The following RGPD6 variants were observed in gnomAD, a reference collection of about 807,000 sequenced individuals.
RGPD6 encodes the protein RANBP2 like and GRIP domain containing 6.
At chr2:110,609,648 AAC>A in the RGPD6 span, among the ~76,000 whole-genome samples, 1 of 140,008 alleles carries the variant, frequency 7.1e-6, no homozygotes, top group Non-Finnish European at 1.5e-5. Flanking sequence ...GGAAAAAAAA[AAC>A]AAGCTCAGCT....
At chr2:110,596,885 C>T in the RGPD6 span, among the ~76,000 whole-genome samples, 4 of 137,452 alleles carry the variant, frequency 2.9e-5, no homozygotes, top group African/African-American at 1.1e-4. Flanking sequence ...TCCATATATA[C>T]CTCACTGTAC....
At chr2:110,601,508 CTG>C in the RGPD6 span, among the ~76,000 whole-genome samples, 2 of 146,682 alleles carry the variant, frequency 1.4e-5, no homozygotes, top group African/African-American at 5.2e-5. Flanking sequence ...GTAAAAGAAA[CTG>C]TATTAATTTG....
chr2:110,600,082 A>G, the RGPD6 span, among the ~76,000 whole-genome samples: 4 of 151,964 alleles, frequency 2.6e-5, no homozygotes, highest in African/African-American at 4.8e-5. Context: ...TGGGCTCTAC[A>G]GTATGCCGCC....
chr2:110,607,236 C>A, the RGPD6 span, among the ~76,000 whole-genome samples: 1 of 151,130 alleles, frequency 6.6e-6, no homozygotes, highest in Non-Finnish European at 1.5e-5. Flanking sequence ...ATGCCCAACT[C>A]TTCAAGACTC....
At chr2:110,606,454 GAAT>G in the RGPD6 span, among the ~76,000 whole-genome samples, 2 of 98,674 alleles carry the variant, frequency 2.0e-5, no homozygotes, top group African/African-American at 8.3e-5. Flanking sequence ...AGCTGTGGAG[GAAT>G]GGGGTGAGTG....
At chr2:110,606,134 G>C in the RGPD6 span, among the ~76,000 whole-genome samples, 2 of 151,696 alleles carry the variant, frequency 1.3e-5, no homozygotes, top group Non-Finnish European at 2.9e-5. Context: ...AAATATCGAA[G>C]TGTATCACAC....
chr2:110,592,055 CCA>C, the RGPD6 span, among the ~76,000 whole-genome samples: 1 of 122,014 alleles, frequency 8.2e-6, no homozygotes, highest in African/African-American at 3.5e-5. Flanking sequence ...TGGTTTCTCT[CCA>C]CACAGACTCC....
the RGPD6 span, among the ~76,000 whole-genome samples, chr2:110,605,277 G>A: frequency 1.3e-5 from 2 of 151,810 alleles, no homozygotes; most frequent in East Asian, 3.9e-4. Flanking sequence ...CCACTCTACT[G>A]AGAAGGCTTT....
intron 1 of RGPD6, among the ~76,000 whole-genome samples, chr2:110,572,273 G>T (rs1243030108): frequency 2.3e-4 from 1 of 4,342 alleles, no homozygotes; most frequent in African/African-American, 4.3e-4. Flanking sequence ...TTTTTTTTGA[G>T]ATGGAGTCTT....
the RGPD6 span, among the ~76,000 whole-genome samples, chr2:110,596,897 T>C: frequency 7.2e-6 from 1 of 139,190 alleles, no homozygotes; most frequent in South Asian, 2.2e-4. Flanking sequence ...TCACTGTACC[T>C]GCTGGAGACC....
At chr2:110,607,166 A>C in the RGPD6 span, among the ~76,000 whole-genome samples, 1 of 149,990 alleles carries the variant, frequency 6.7e-6, no homozygotes, top group African/African-American at 2.5e-5. Context: ...AAGGAAGACC[A>C]GGGAGTGGAG....
At chr2:110,600,042 A>C in the RGPD6 span, among the ~76,000 whole-genome samples, 1 of 152,024 alleles carries the variant, frequency 6.6e-6, no homozygotes, top group Non-Finnish European at 1.5e-5. Context: ...TCTGCGAAAA[A>C]CTCAGCAGGC....
the RGPD6 span, among the ~76,000 whole-genome samples, chr2:110,607,616 T>C: frequency 6.7e-6 from 1 of 149,280 alleles, no homozygotes; most frequent in African/African-American, 2.5e-5. Flanking sequence ...AAGAATAAAC[T>C]AGCTCAGATT....
At chr2:110,589,334 G>A in the RGPD6 span, among the ~76,000 whole-genome samples, 1 of 148,754 alleles carries the variant, frequency 6.7e-6, no homozygotes, top group Non-Finnish European at 1.5e-5. Context: ...TGGGCAACAA[G>A]AGCAAAACTC....
the RGPD6 span, among the ~76,000 whole-genome samples, chr2:110,591,435 T>G: frequency 6.6e-6 from 1 of 150,826 alleles, no homozygotes; most frequent in East Asian, 1.9e-4. Context: ...AATTACATAC[T>G]TTCTTAAAAC....
At chr2:110,606,918 T>C in the RGPD6 span, among the ~76,000 whole-genome samples, 2 of 151,800 alleles carry the variant, frequency 1.3e-5, no homozygotes, top group Admixed American at 1.3e-4. Flanking sequence ...TGTGTGTTCT[T>C]GTCTTAATTT....
the RGPD6 span, among the ~76,000 whole-genome samples, chr2:110,606,013 A>G: frequency 1.6e-4 from 25 of 151,856 alleles, 2 homozygotes; most frequent in South Asian, 3.8e-3. Context: ...TAAGTTCCCA[A>G]AAAACACACT....
At chr2:110,605,534 T>C in the RGPD6 span, among the ~76,000 whole-genome samples, 1 of 151,214 alleles carries the variant, frequency 6.6e-6, no homozygotes. Context: ...AATGTTTGCT[T>C]TACTGCAGCT....
the RGPD6 span, among the ~76,000 whole-genome samples, chr2:110,594,385 CACT>C: frequency 8.9e-4 from 87 of 97,662 alleles, no homozygotes; most frequent in African/African-American, 3.5e-3. Flanking sequence ...CTACTCACTC[CACT>C]ACTATTTAAC....
Sources: gnomAD v4.1 joint callset for allele counts (sites outside exome capture counted in the v4.1 genomes callset) on GRCh38, gnomAD v4.1.1 for gene constraint, MANE v1.5 for transcripts, NCBI Gene and HGNC (gene_info 2026-07-23, HGNC 2026-07-21) for gene names.